The following RASAL2 variants were observed in gnomAD, a reference collection of about 807,000 sequenced individuals.
RASAL2 encodes RAS protein activator like 2, also known as ras GTPase-activating protein nGAP.
Under a neutral mutation model 128.9 loss-of-function variants are expected in RASAL2, and 58 were observed. That is an observed-to-expected ratio of 0.45 (90% CI 0.36 to 0.56). The LOEUF (loss-of-function observed/expected upper bound fraction) is 0.56, where lower values mean the gene tolerates loss of function less well. Among genes scored for constraint, RASAL2 ranks in the 20% least tolerant of loss-of-function variants. The probability of loss-of-function intolerance (pLI) is 0.00; values close to 1 mark genes in which losing one functional copy is unlikely to be tolerated. For synonymous variants in RASAL2, 561 were observed against 580.8 expected, an observed-to-expected ratio of 0.97 and a Z score of 0.49; for missense variants, 1,360 against 1,601.6, an observed-to-expected ratio of 0.85 and a Z score of 2.57.
intron 1 of RASAL2, among the ~76,000 whole-genome samples, chr1:178,279,911 G>A (rs954710204): frequency 2.0e-5 from 3 of 152,058 alleles, no homozygotes; most frequent in African/African-American, 7.2e-5. Flanking sequence ...TATAATGAAA[G>A]GTGTCAATAT....
intron 2 of RASAL2, among the ~76,000 whole-genome samples, chr1:178,288,282 A>G (rs1474609761): frequency 2.0e-5 from 3 of 152,152 alleles, no homozygotes; most frequent in Non-Finnish European, 2.9e-5. Flanking sequence ...TTCTAAGAAG[A>G]TGTTTTTCAT....
chr1:178,360,001 TG>T (rs1238106714), intron 3 of RASAL2, among the ~76,000 whole-genome samples: 3 of 152,058 alleles, frequency 2.0e-5, no homozygotes, highest in African/African-American at 7.2e-5. Context: ...GGGTGAAGAG[TG>T]GGGGTTTTAT....
chr1:178,164,706 G>A (rs964962450), intron 1 of RASAL2, among the ~76,000 whole-genome samples: 5 of 151,874 alleles, frequency 3.3e-5, no homozygotes, highest in Admixed American at 3.3e-4. Flanking sequence ...TGGTGATATA[G>A]TTGATAAATT....
intron 1 of RASAL2, among the ~76,000 whole-genome samples, chr1:178,103,700 T>A (rs2102227451): frequency 6.6e-6 from 1 of 152,236 alleles, no homozygotes; most frequent in East Asian, 1.9e-4. Flanking sequence ...TTCTTGGATC[T>A]TTTTCTTAGT....
intron 1 of RASAL2, among the ~76,000 whole-genome samples, chr1:178,108,076 A>G (rs915955115): frequency 6.6e-6 from 1 of 152,160 alleles, no homozygotes; most frequent in Non-Finnish European, 1.5e-5. Context: ...CTTACCAGCA[A>G]TGCACGAGGG....
chr1:178,216,947 A>AT (rs942255814), intron 1 of RASAL2, among the ~76,000 whole-genome samples: 6 of 151,684 alleles, frequency 4.0e-5, no homozygotes, highest in East Asian at 1.9e-4. Context: ...TGCACCCTTA[A>AT]TTTTTTTTAA....
chr1:178,210,969 T>G (rs1334908363), intron 1 of RASAL2, among the ~76,000 whole-genome samples: 1 of 152,166 alleles, frequency 6.6e-6, no homozygotes, highest in Non-Finnish European at 1.5e-5. Flanking sequence ...CCTGTAGTCC[T>G]AGGGTGTAGC....
chr1:178,381,598 T>A (rs1178766401), intron 3 of RASAL2, among the ~76,000 whole-genome samples: 2 of 152,142 alleles, frequency 1.3e-5, no homozygotes, highest in African/African-American at 4.8e-5. Context: ...GTATGTTTTC[T>A]TTTTTTAATG....
intron 4 of RASAL2, among the ~76,000 whole-genome samples, chr1:178,408,619 G>GTTTTTTTT (rs1012370223): frequency 1.4e-5 from 2 of 143,252 alleles, no homozygotes; most frequent in African/African-American, 5.6e-5. Flanking sequence ...TTTGTTTTTT[G>GTTTTTTTT]TTTTTTGTTT....
chr1:178,113,486 A>G (rs900558691), intron 1 of RASAL2, among the ~76,000 whole-genome samples: 12 of 132,188 alleles, frequency 9.1e-5, no homozygotes, highest in Non-Finnish European at 1.8e-4. Context: ...GTGTATGTGT[A>G]TGTGTGTGGG....
At chr1:178,444,827 A>G (rs1227230045) in intron 8 of RASAL2, among the ~76,000 whole-genome samples, 5 of 152,204 alleles carry the variant, frequency 3.3e-5, no homozygotes, top group African/African-American at 1.2e-4. Context: ...AATATATGCC[A>G]GAAACTGTTA....
At chr1:178,399,578 T>G (rs1206383507) in intron 4 of RASAL2, among the ~76,000 whole-genome samples, 1 of 152,112 alleles carries the variant, frequency 6.6e-6, no homozygotes, top group African/African-American at 2.4e-5. Context: ...CCCTGGCACC[T>G]CTGAAGGTTT....
At chr1:178,209,947 A>C (rs1571634821) in intron 1 of RASAL2, among the ~76,000 whole-genome samples, 1 of 151,786 alleles carries the variant, frequency 6.6e-6, no homozygotes, top group Non-Finnish European at 1.5e-5. Context: ...GATATCTTTT[A>C]TCAAATGTGG....
chr1:178,398,698 A>T (rs1673419024), intron 4 of RASAL2, among the ~76,000 whole-genome samples: 1 of 152,108 alleles, frequency 6.6e-6, no homozygotes. Flanking sequence ...TGTTTTTCTT[A>T]AAAAATTTTC....
chr1:178,180,128 G>A (rs185451241), intron 1 of RASAL2, among the ~76,000 whole-genome samples: 32 of 152,136 alleles, frequency 2.1e-4, no homozygotes, highest in African/African-American at 7.2e-4. Context: ...AGATACATAA[G>A]GTTTCAGATT....
chr1:178,318,503 A>T (rs1378343704), intron 3 of RASAL2, among the ~76,000 whole-genome samples: 1 of 150,660 alleles, frequency 6.6e-6, no homozygotes, highest in African/African-American at 2.4e-5. Context: ...TATATTTAGG[A>T]TAGTTAGCTC....
At chr1:178,273,461 A>C (rs1417549509) in intron 1 of RASAL2, among the ~76,000 whole-genome samples, 1 of 152,244 alleles carries the variant, frequency 6.6e-6, no homozygotes, top group Admixed American at 6.5e-5. Flanking sequence ...GTCGAAGGGA[A>C]TGTAACTTGT....
chr1:178,105,652 TA>T (rs1169595478), intron 1 of RASAL2, among the ~76,000 whole-genome samples: 3 of 151,958 alleles, frequency 2.0e-5, no homozygotes, highest in Non-Finnish European at 4.4e-5. Context: ...TGTATGAAAT[TA>T]CTAGACACAT....
At chr1:178,306,430 G>A (rs1667993224) in intron 3 of RASAL2, among the ~76,000 whole-genome samples, 1 of 152,196 alleles carries the variant, frequency 6.6e-6, no homozygotes, top group South Asian at 2.1e-4. Context: ...GGATGGCTGG[G>A]TCAAATGGTA....
Sources: gnomAD v4.1 joint callset for allele counts (sites outside exome capture counted in the v4.1 genomes callset) on GRCh38, gnomAD v4.1.1 for gene constraint, MANE v1.5 for transcripts, NCBI Gene and HGNC (gene_info 2026-07-23, HGNC 2026-07-21) for gene names.